C11orf65: variants seen among roughly 807,000 people sequenced by gnomAD.
C11orf65 encodes the protein chromosome 11 open reading frame 65.
C11orf65 carries 38 observed loss-of-function variants against 35.3 expected under a neutral mutation model. That is an observed-to-expected ratio of 1.08 (90% CI 0.83 to 1.41). The LOEUF (loss-of-function observed/expected upper bound fraction) is 1.41, where lower values mean the gene tolerates loss of function less well. Ranked by LOEUF, C11orf65 falls within the 40% of genes most tolerant of loss-of-function variation. C11orf65 has a pLI of 0.00. For missense variants in C11orf65, 370 were observed against 367.1 expected (o/e 1.01, Z -0.06); for synonymous variants, 105 against 114.4 (o/e 0.92, Z 0.53).
In C11orf65 at chr11:108,316,030, G is replaced by A. The variant is rs864622251; in HGVS notation, c.641-6959C>T. On this transcript the variant is annotated intron_variant, in intron 6 of 6. Transcript: ENST00000525729. ...TTATAGACTACGAACATATGAACAC[G>A]AAGCAATGTGGGGCAAAGCCCTAGT... 2.5e-6 allele frequency: 4 copies of A among 1,614,092 alleles called. No homozygotes were observed. Among genetic ancestry groups the A allele is most frequent in the South Asian group, 1.1e-5 (1 of 91,078 alleles).
chr11:108,436,566 T>C (rs1016678444), intron 2 of C11orf65, among the ~76,000 whole-genome samples: 7 of 152,162 alleles, frequency 4.6e-5, no homozygotes, highest in Admixed American at 3.3e-4. Flanking sequence ...TAAAAGGGAT[T>C]TGTATGGATG....
intron 2 of C11orf65, among the ~76,000 whole-genome samples, chr11:108,354,159 T>C (rs2089595198): frequency 6.6e-6 from 1 of 151,750 alleles, no homozygotes; most frequent in African/African-American, 2.4e-5. Flanking sequence ...CGTATTCCAG[T>C]GCCTTATCAA....
At chr11:108,357,870 C>T (rs2090204066) in intron 2 of C11orf65, among the ~76,000 whole-genome samples, 1 of 151,216 alleles carries the variant, frequency 6.6e-6, no homozygotes, top group African/African-American at 2.4e-5. Flanking sequence ...AAACTGGAAA[C>T]TCTAAAACGC....
At chr11:108,425,500 A>G (rs1465586713) in intron 3 of C11orf65, among the ~76,000 whole-genome samples, 1 of 152,234 alleles carries the variant, frequency 6.6e-6, no homozygotes. Context: ...TTGAGGCAGT[A>G]ATTAATAGGC....
chr11:108,363,623 C>T (rs946548715), intron 2 of C11orf65, among the ~76,000 whole-genome samples: 1 of 152,128 alleles, frequency 6.6e-6, no homozygotes, highest in Admixed American at 6.6e-5. Context: ...TACAAGTTAG[C>T]CCCCACAGCA....
chr11:108,379,310 G>A (rs371851912), downstream of C11orf65, among the ~76,000 whole-genome samples: 2 of 151,928 alleles, frequency 1.3e-5, no homozygotes, highest in Admixed American at 1.3e-4. Flanking sequence ...AAAAATGATG[G>A]GTTCATGTCC....
intron 2 of C11orf65, among the ~76,000 whole-genome samples, chr11:108,348,911 G>T (rs966013376): frequency 2.6e-5 from 4 of 152,198 alleles, no homozygotes; most frequent in African/African-American, 9.6e-5. Context: ...AGCTGGTTTG[G>T]TTACTAACCA....
intron 3 of C11orf65, among the ~76,000 whole-genome samples, chr11:108,430,703 G>T (rs547756779): frequency 1.3e-5 from 2 of 151,990 alleles, no homozygotes; most frequent in East Asian, 3.9e-4. Flanking sequence ...AAATTAGCTG[G>T]ACGCGGTGGC....
At chr11:108,321,189 T>A in intron 6 of C11orf65, 1 of 1,387,610 alleles carries the variant, frequency 7.2e-7, no homozygotes, top group South Asian at 1.2e-5. Flanking sequence ...GTTAGTATTA[T>A]TAGATCAGTA....
At chr11:108,420,307 G>A (rs776906406) in intron 3 of C11orf65, among the ~76,000 whole-genome samples, 3 of 152,144 alleles carry the variant, frequency 2.0e-5, no homozygotes, top group Admixed American at 2.0e-4. Flanking sequence ...AGTGCCACAG[G>A]TTTATTAGGG....
chr11:108,458,105 A>T (rs1057388102), intron 2 of C11orf65, among the ~76,000 whole-genome samples: 5 of 152,042 alleles, frequency 3.3e-5, no homozygotes, highest in African/African-American at 1.2e-4. Flanking sequence ...ACCCTCTTAG[A>T]GGCACTCAAT....
In C11orf65 at chr11:108,437,659, G is replaced by A. The variant is rs900531827; in HGVS notation, c.82-5821C>T. ...GCAGAGGCAGAGGTTGCAGTGAGCT[G>A]AGATAGCACCACTGCACTCCAGCCT... On this transcript the variant is annotated intron_variant, in intron 2 of 8. Transcript: ENST00000393084. Among the ~76,000 whole-genome samples, 25 of 119,214 alleles carry A rather than the reference G, an allele frequency of 2.1e-4. No homozygotes were observed. In the Admixed American group the frequency reaches 2.3e-3, roughly 11 times the overall value. The allele number at this position is 119,214 out of a possible 152,430, so 78.2% of individuals were successfully genotyped here. A position where few individuals can be genotyped will look rare whatever the true frequency, so the allele number is the denominator to read the frequency against.
In C11orf65 at chr11:108,393,139, A is replaced by T; in HGVS notation, c.731+69T>A. ...TTTGTGGCCCCAAGATTCAACAAGG[A>T]AATAGGAAATGTTAGAAAAAAACTA... is the stretch of plus-strand genomic sequence containing the variant. On this transcript the variant is annotated intron_variant, in intron 7 of 8. Transcript: ENST00000393084. 5 of 1,469,340 alleles carry T rather than the reference A, an allele frequency of 3.4e-6. 1 individual carries two copies. In the South Asian group the frequency reaches 7.4e-5, roughly 22 times the overall value. The allele number at this position is 1,469,340 out of a possible 1,614,324, so 91.0% of individuals were successfully genotyped here.
chr11:108,326,343 C>A (rs1433575586), intron 6 of C11orf65: 15 of 1,332,658 alleles, frequency 1.1e-5, no homozygotes, highest in Non-Finnish European at 1.5e-5. Flanking sequence ...AATTTATTAA[C>A]AAGATATTGT....
At chr11:108,318,902 G>A (rs940843713) in intron 6 of C11orf65, among the ~76,000 whole-genome samples, 2 of 151,934 alleles carry the variant, frequency 1.3e-5, no homozygotes, top group Admixed American at 6.6e-5. Flanking sequence ...TTGGCCGAGC[G>A]CGGTGGCTCA....
At chr11:108,422,795 T>C (rs1040979316) in intron 3 of C11orf65, among the ~76,000 whole-genome samples, 2 of 151,120 alleles carry the variant, frequency 1.3e-5, no homozygotes, top group Non-Finnish European at 2.9e-5. Context: ...GGCAGGAGCA[T>C]CACTTGAACC....
At chr11:108,418,281 T>C (rs2092768902) in intron 3 of C11orf65, among the ~76,000 whole-genome samples, 1 of 152,108 alleles carries the variant, frequency 6.6e-6, no homozygotes, top group East Asian at 1.9e-4. Flanking sequence ...TGCAATACTA[T>C]GCTCAATAAC....
At chr11:108,358,148 G>A (rs1365625032) in intron 2 of C11orf65, among the ~76,000 whole-genome samples, 2 of 150,698 alleles carry the variant, frequency 1.3e-5, no homozygotes, top group South Asian at 4.2e-4. Context: ...TGTGAAGAAT[G>A]CAGAAGCCTC....
At chr11:108,342,451 T>C (rs1184707036) in intron 2 of C11orf65, among the ~76,000 whole-genome samples, 1 of 152,168 alleles carries the variant, frequency 6.6e-6, no homozygotes, top group African/African-American at 2.4e-5. Context: ...ACTTAATACT[T>C]ACAACTATTT....
Sources: allele counts gnomAD v4.1 joint callset (sites outside exome capture counted in the v4.1 genomes callset), GRCh38; gene constraint gnomAD v4.1.1; transcripts MANE v1.5; gene names NCBI Gene and HGNC (gene_info 2026-07-23, HGNC 2026-07-21).